USP13: variants seen among roughly 807,000 people sequenced by gnomAD.
The protein encoded by USP13 is ubiquitin specific peptidase 13, also known as ubiquitin carboxyl-terminal hydrolase 13.
Under a neutral mutation model 107.8 loss-of-function variants are expected in USP13, and 68 were observed. The ratio of observed to expected loss-of-function variants is 0.63; its 90% CI spans 0.52 to 0.77. The LOEUF is 0.77. Ranked by LOEUF, USP13 falls within the 30% of genes least tolerant of loss-of-function variation. USP13 has a pLI of 0.00. For synonymous variants in USP13, 377 were observed against 389.5 expected (o/e 0.97, Z 0.38); for missense variants, 945 against 1,093.3 (o/e 0.86, Z 1.91).
In USP13 at chr3:179,701,003, C is replaced by T. The variant is rs2108474311; in HGVS notation, c.356-5C>T. On this transcript the variant is annotated splice_region_variant and splice_polypyrimidine_tract_variant and intron_variant, in intron 3 of 20. Coordinates refer to ENST00000263966, the MANE Select transcript of USP13 (RefSeq NM_003940.3). ...TCTTGTTCTTTGTTTTTGTTTTCTCCTCAGATCTAGATACTGATGACGATT... is the reference window on the plus strand; with the variant it reads ...TCTTGTTCTTTGTTTTTGTTTTCTCTTCAGATCTAGATACTGATGACGATT... 6.2e-6 allele frequency: 10 copies of T among 1,610,116 alleles called. No homozygotes were observed. The highest frequency in any genetic ancestry group is 1.1e-5 in the South Asian group (1 of 90,492).
chr3:179,710,914 T>A (rs140683645), intron 6 of USP13, among the ~76,000 whole-genome samples: 1,547 of 152,096 alleles, frequency 0.01, 31 homozygotes, highest in African/African-American at 0.036. Context: ...AGATAGAAAA[T>A]GGTCACCTGT....
chr3:179,658,127 TG>T (rs1262278643), intron 1 of USP13, among the ~76,000 whole-genome samples: 2 of 152,196 alleles, frequency 1.3e-5, no homozygotes, highest in African/African-American at 4.8e-5. Context: ...GCTAATTTTT[TG>T]TATTTTTAGT....
Position 179,740,382 on chromosome 3 carries a change from C to T in USP13, c.1380+10C>T. ...GGTGAATCTAGTAGAGGTGAGTAGT[C>T]AGTCTTCACGGATGCTCAGCGGGGT... On this transcript the variant is annotated intron_variant, in intron 11 of 20. Coordinates refer to ENST00000263966, the MANE Select transcript of USP13 (RefSeq NM_003940.3). The T allele has an allele frequency of 6.2e-7, 1 of 1,613,932 alleles. No homozygotes were observed. Among genetic ancestry groups the T allele is most frequent in the Non-Finnish European group, 8.5e-7 (1 of 1,179,902 alleles).
At chr3:179,757,724 C>A (rs1714855355) in intron 16 of USP13, among the ~76,000 whole-genome samples, 1 of 152,136 alleles carries the variant, frequency 6.6e-6, no homozygotes, top group Non-Finnish European at 1.5e-5. Flanking sequence ...AAGACAGTAA[C>A]TAATATTAAT....
intron 5 of USP13, 131 bp from the exon 6 acceptor site, chr3:179,708,642 G>A: frequency 8.7e-7 from 1 of 1,146,832 alleles, no homozygotes; most frequent in Non-Finnish European, 1.2e-6. Flanking sequence ...GAGAAAATGG[G>A]GAAGCATCAG....
chr3:179,770,607 G>T (rs1200627977), intron 19 of USP13, among the ~76,000 whole-genome samples: 2 of 146,264 alleles, frequency 1.4e-5, no homozygotes, highest in African/African-American at 2.7e-5. Context: ...TATGACTTGA[G>T]AATTTTTTTT....
chr3:179,729,226 C>T (rs577897312), intron 8 of USP13, among the ~76,000 whole-genome samples: 6 of 152,174 alleles, frequency 3.9e-5, no homozygotes, highest in African/African-American at 9.6e-5. Flanking sequence ...AAAGAAGAAA[C>T]GTCAAGGATT....
At chr3:179,708,691 A>C (rs1712811222) in intron 5 of USP13, 82 bp from the exon 6 acceptor site, 1 of 1,524,692 alleles carries the variant, frequency 6.6e-7, no homozygotes, top group African/African-American at 1.4e-5. Context: ...TGACCTGCCT[A>C]CTTGAAACCC....
chr3:179,788,630 T>A lies in USP13; in HGVS notation c.*4489T>A, dbSNP rs1715976318. The A allele has an allele frequency of 6.6e-6, 1 of 152,186 alleles. No homozygotes were observed. Among genetic ancestry groups the A allele is most frequent in the Non-Finnish European group, 1.5e-5 (1 of 68,032 alleles). 9.4% of individuals were successfully genotyped at this position (152,186 alleles called of 1,614,324 possible). On this transcript the variant is annotated 3_prime_UTR_variant, in exon 21 of 21. Coordinates refer to ENST00000263966, the MANE Select transcript of USP13 (RefSeq NM_003940.3). ...AGTAAAATATTAACAATTTAATATA[T>A]TTATATAATTGAAATTAAAATTCTT... is the stretch of plus-strand genomic sequence containing the variant.
intron 5 of USP13, among the ~76,000 whole-genome samples, chr3:179,708,300 G>A (rs1173339646): frequency 7.9e-6 from 1 of 126,864 alleles, no homozygotes; most frequent in Non-Finnish European, 1.7e-5. Context: ...TCTGGGAGAG[G>A]AACAATAATT....
intron 2 of USP13, among the ~76,000 whole-genome samples, chr3:179,684,184 A>C (rs143596004): frequency 2.0e-5 from 3 of 150,370 alleles, no homozygotes; most frequent in African/African-American, 7.3e-5. Flanking sequence ...TGGTCTCGCT[A>C]TCTCGACCTC....
Position 179,761,164 on chromosome 3 carries a change from G to A in USP13, c.2001G>A (p.Pro667=), listed in dbSNP as rs753435815. The change falls in exon 17 of 21, where the codon CCG becomes CCA. Residue 667 remains proline (P), a synonymous_variant. Coordinates refer to ENST00000263966, the MANE Select transcript of USP13 (RefSeq NM_003940.3). ...SVMQLAEMGF[P]LEACRKAVYF... is the part of the protein sequence containing the mutation. ...TGCAGCTGGCCGAGATGGGTTTCCC[G>A]CTGGAAGCATGTCGCAAGGCTGTGT... 37 of 1,614,148 alleles carry A rather than the reference G, an allele frequency of 2.3e-5. No individual in the cohort carries two copies. Among genetic ancestry groups the A allele is most frequent in the South Asian group, 1.8e-4 (16 of 91,082 alleles).
At chr3:179,777,314 A>G (rs1447316509) in intron 19 of USP13, among the ~76,000 whole-genome samples, 1 of 151,798 alleles carries the variant, frequency 6.6e-6, no homozygotes, top group African/African-American at 2.4e-5. Context: ...GCTTTGTTTC[A>G]CTGATGTGAC....
At chr3:179,765,658 T>C (rs1370878509) in intron 18 of USP13, 37 bp from the exon 19 acceptor site, 1 of 1,608,920 alleles carries the variant, frequency 6.2e-7, no homozygotes, top group African/African-American at 1.3e-5. Context: ...TGAGGCTGCA[T>C]GCATTGTAAA....
At chr3:179,749,524 A>G (rs557759938) in intron 13 of USP13, among the ~76,000 whole-genome samples, 1 of 152,370 alleles carries the variant, frequency 6.6e-6, no homozygotes, top group South Asian at 2.1e-4. Flanking sequence ...CCAAACTGCA[A>G]TAAATGAATG....
chr3:179,776,858 GTTTTT>G (rs71628094), intron 19 of USP13, among the ~76,000 whole-genome samples: 1 of 78,302 alleles, frequency 1.3e-5, no homozygotes, highest in Middle Eastern at 0.01. Context: ...TAGAGTGCTG[GTTTTT>G]TTTTTTTTTT....
At chr3:179,743,927 T>G (rs1253217024) in intron 12 of USP13, among the ~76,000 whole-genome samples, 4 of 1,224 alleles carry the variant, frequency 3.3e-3, no homozygotes, top group African/African-American at 6.8e-3. Flanking sequence ...AAATAAGGAG[T>G]TTTTTTTTTT....
intron 13 of USP13, among the ~76,000 whole-genome samples, chr3:179,746,681 C>T (rs1019331279): frequency 6.6e-6 from 1 of 152,180 alleles, no homozygotes; most frequent in Non-Finnish European, 1.5e-5. Context: ...ATCCTCCCTC[C>T]TTGGCCTCCC....
intron 20 of USP13, among the ~76,000 whole-genome samples, chr3:179,782,113 T>C (rs1379680721): frequency 6.6e-6 from 1 of 152,180 alleles, no homozygotes; most frequent in Non-Finnish European, 1.5e-5. Flanking sequence ...GCAGAATGTA[T>C]GCTGTAATTG....
Sources: gnomAD v4.1 joint callset for allele counts (sites outside exome capture counted in the v4.1 genomes callset) on GRCh38, gnomAD v4.1.1 for gene constraint, MANE v1.5 for transcripts, NCBI Gene and HGNC (gene_info 2026-07-23, HGNC 2026-07-21) for gene names.